KLF12: variants seen among roughly 807,000 people sequenced by gnomAD.
KLF12 encodes the protein KLF transcription factor 12.
Under a neutral mutation model 37.8 loss-of-function variants are expected in KLF12, and 9 were observed. The ratio of observed to expected loss-of-function variants is 0.24; its 90% CI spans 0.14 to 0.42. KLF12 has a LOEUF of 0.42. Among genes scored for constraint, KLF12 ranks in the 10% least tolerant of loss-of-function variants. The pLI, the probability that KLF12 is intolerant of heterozygous loss-of-function variation, is 1.00. For synonymous variants in KLF12, 208 were observed against 202.1 expected (o/e 1.03, Z -0.25); for missense variants, 411 against 516.0 (o/e 0.80, Z 1.97).
intron 1 of KLF12, among the ~76,000 whole-genome samples, chr13:74,010,668 C>T (rs1179992222): frequency 2.6e-5 from 4 of 151,816 alleles, no homozygotes; most frequent in African/African-American, 9.7e-5. Flanking sequence ...AAACACAGAC[C>T]TAATCAATAC....
At chr13:73,879,017 A>C (rs1029561216) in intron 3 of KLF12, among the ~76,000 whole-genome samples, 2 of 152,208 alleles carry the variant, frequency 1.3e-5, no homozygotes, top group African/African-American at 4.8e-5. Context: ...ATGTTTTAAA[A>C]GGATCATTTT....
chr13:74,162,175 G>C, the KLF12 span, among the ~76,000 whole-genome samples: 1 of 152,152 alleles, frequency 6.6e-6, no homozygotes, highest in Admixed American at 6.5e-5. Context: ...GCAAAGTTAG[G>C]ACCATGGGAC....
At chr13:73,839,262 T>TA (rs1191768598) in intron 4 of KLF12, among the ~76,000 whole-genome samples, 3 of 149,204 alleles carry the variant, frequency 2.0e-5, no homozygotes, top group Non-Finnish European at 4.4e-5. Context: ...CTGGTTATTT[T>TA]TTTTTTTTTT....
At chr13:74,250,953 T>C in the KLF12 span, among the ~76,000 whole-genome samples, 1 of 152,182 alleles carries the variant, frequency 6.6e-6, no homozygotes, top group Non-Finnish European at 1.5e-5. Context: ...CAGTCTTCCC[T>C]AGTTCTTCTC....
the KLF12 span, among the ~76,000 whole-genome samples, chr13:74,303,655 T>C: frequency 6.6e-6 from 1 of 152,172 alleles, no homozygotes; most frequent in South Asian, 2.1e-4. Context: ...TTTTGTGGTA[T>C]ACAGTAGAGT....
intron 1 of KLF12, among the ~76,000 whole-genome samples, chr13:74,101,263 C>A (rs992770820): frequency 1.3e-5 from 2 of 152,194 alleles, no homozygotes; most frequent in Non-Finnish European, 2.9e-5. Context: ...TTTCTCCTCT[C>A]CCCTGTGAAG....
the KLF12 span, among the ~76,000 whole-genome samples, chr13:74,219,263 G>C: frequency 6.6e-6 from 1 of 152,160 alleles, no homozygotes; most frequent in East Asian, 1.9e-4. Context: ...GCTGAGATTT[G>C]TAAATTTTAA....
At chr13:74,097,863 T>TA (rs61651603) in intron 1 of KLF12, among the ~76,000 whole-genome samples, 28,426 of 151,792 alleles carry the variant, frequency 0.19, 2,919 homozygotes, top group African/African-American at 0.28. Flanking sequence ...AATATATATA[T>TA]TTTTAAATAT....
At chr13:74,026,595 A>T (rs1278863152) in intron 1 of KLF12, among the ~76,000 whole-genome samples, 1 of 152,214 alleles carries the variant, frequency 6.6e-6, no homozygotes, top group Non-Finnish European at 1.5e-5. Context: ...ATAATGTTTT[A>T]AAAAGGGTTA....
chr13:74,096,324 T>C (rs988890745), intron 1 of KLF12, among the ~76,000 whole-genome samples: 2 of 152,182 alleles, frequency 1.3e-5, no homozygotes, highest in African/African-American at 4.8e-5. Flanking sequence ...TTCACTGATA[T>C]TCAGCATGGT....
intron 1 of KLF12, among the ~76,000 whole-genome samples, chr13:74,009,794 G>A (rs1198116897): frequency 2.6e-5 from 4 of 152,086 alleles, no homozygotes; most frequent in Non-Finnish European, 4.4e-5. Flanking sequence ...GGAGAGTCTC[G>A]TGCTCTCATT....
intron 1 of KLF12, among the ~76,000 whole-genome samples, chr13:74,067,086 A>C (rs1056705855): frequency 6.6e-6 from 1 of 152,084 alleles, no homozygotes; most frequent in Non-Finnish European, 1.5e-5. Flanking sequence ...TTACAAGAAA[A>C]CCCTCAAAGT....
chr13:73,870,670 A>G (rs762224279), intron 3 of KLF12, among the ~76,000 whole-genome samples: 5 of 152,260 alleles, frequency 3.3e-5, no homozygotes, highest in Non-Finnish European at 7.3e-5. Context: ...AGACCTGATG[A>G]GGCTGAAGTC....
chr13:74,033,591 T>C (rs888730492), intron 1 of KLF12, among the ~76,000 whole-genome samples: 3 of 152,228 alleles, frequency 2.0e-5, no homozygotes, highest in African/African-American at 2.4e-5. Context: ...TAATATTTCA[T>C]AGACAAACTT....
the KLF12 span, among the ~76,000 whole-genome samples, chr13:74,144,380 T>C: frequency 6.6e-6 from 1 of 152,320 alleles, no homozygotes; most frequent in South Asian, 2.1e-4. Context: ...AACAAGTTTC[T>C]TCAAAAATGA....
intron 3 of KLF12, among the ~76,000 whole-genome samples, chr13:73,852,892 C>T (rs1885407388): frequency 7.2e-6 from 1 of 138,534 alleles, no homozygotes; most frequent in African/African-American, 2.7e-5. Context: ...TTTTTTGAGA[C>T]GGAGTCTTGG....
chr13:74,043,216 C>G (rs1893454182), intron 1 of KLF12, among the ~76,000 whole-genome samples: 1 of 152,156 alleles, frequency 6.6e-6, no homozygotes, highest in Non-Finnish European at 1.5e-5. Flanking sequence ...AAAATAAAGA[C>G]AGTAATCCTT....
intron 1 of KLF12, among the ~76,000 whole-genome samples, chr13:74,095,772 A>G (rs1041510281): frequency 2.6e-5 from 4 of 152,230 alleles, no homozygotes; most frequent in African/African-American, 9.6e-5. Flanking sequence ...AATTAAAACA[A>G]TTTAAACCCT....
rs375191327 is a variant in KLF12, at chr13:73,769,947, A to G, written c.807-4947T>C. The stretch of plus-strand genomic sequence containing the variant: ...AGACTAGATATTTTATACCAAGATT[A>G]TAAGAAATTATTATGTACAAATACG... On this transcript the variant is annotated intron_variant, in intron 5 of 7. Transcript: ENST00000377669. 1.7e-4 allele frequency among the ~76,000 whole-genome samples: 26 copies of G among 152,340 alleles called. 1 individual carries two copies. In the East Asian group the frequency reaches 4.6e-3, roughly 27 times the overall value.
Sources: allele counts gnomAD v4.1 joint callset (sites outside exome capture counted in the v4.1 genomes callset), GRCh38; gene constraint gnomAD v4.1.1; transcripts MANE v1.5; gene names NCBI Gene and HGNC (gene_info 2026-07-23, HGNC 2026-07-21).